Variants in XRRA1 observed in about 807,000 individuals in gnomAD.
XRRA1 encodes X-ray radiation resistance associated 1.
In XRRA1, 69 loss-of-function variants were observed where a neutral mutation model predicts 80.2. The ratio of observed to expected loss-of-function variants is 0.86; its 90% CI spans 0.71 to 1.05. The LOEUF is 1.05. Ranked by LOEUF, XRRA1 falls within the 50% of genes least tolerant of loss-of-function variation. The probability of loss-of-function intolerance (pLI) is 0.00; values close to 1 mark genes in which losing one functional copy is unlikely to be tolerated. For synonymous variants in XRRA1, 348 were observed against 389.9 expected, an observed-to-expected ratio of 0.89 and a Z score of 1.27; for missense variants, 967 against 976.4, an observed-to-expected ratio of 0.99 and a Z score of 0.13.
chr11:74,933,987 GTTCATTCA>G lies in XRRA1; in HGVS notation c.280-123_280-116del, dbSNP rs60527965. Reference sequence around the variant, plus strand: ...TATACTTGTCATAATTTGTTTGCTTGTTCATTCATTCATTCATTCATTCATTCATTATT... The same window carrying G: ...TATACTTGTCATAATTTGTTTGCTTGTTCATTCATTCATTCATTCATTATT... On this transcript the variant is annotated intron_variant, in intron 4 of 18. Transcript: ENST00000684022. The G allele has an allele frequency of 3.7e-4, 245 of 656,168 alleles. 3 individuals are homozygous for G. The South Asian group carries it at 4.1e-3, about 11-fold the overall frequency. 40.6% of individuals were successfully genotyped at this position (656,168 alleles called of 1,614,324 possible). A position where few individuals can be genotyped will look rare whatever the true frequency, so the allele number is the denominator to read the frequency against.
chr11:74,913,173 GC>G (rs1234821809), intron 8 of XRRA1, among the ~76,000 whole-genome samples: 1 of 152,166 alleles, frequency 6.6e-6, no homozygotes, highest in African/African-American at 2.4e-5. Context: ...AAAGTATATA[GC>G]CCATTATAGT....
At position 74,844,146 on chromosome 11, in the gene XRRA1, A is replaced by T. The variant is rs769417499; in HGVS notation, c.2043+22T>A. 5.6e-6 allele frequency: 9 copies of T among 1,607,200 alleles called. No individual in the cohort carries two copies. In the Admixed American group the frequency reaches 1.5e-4, roughly 27 times the overall value. ...GGCGGTACTCAGGGGCCATTTACAC[A>T]TTCAGTGAGCTGGATGTTTACCCGT... is the stretch of plus-strand genomic sequence containing the variant. On this transcript the variant is annotated intron_variant, in intron 17 of 18. Coordinates refer to ENST00000684022, the MANE Select transcript of XRRA1 (RefSeq NM_001378157.1).
chr11:74,856,215 G>A (rs977721067), intron 12 of XRRA1, among the ~76,000 whole-genome samples: 7 of 152,148 alleles, frequency 4.6e-5, no homozygotes, highest in Non-Finnish European at 8.8e-5. Context: ...TCTAGATAAT[G>A]AGCATATAAG....
chr11:74,944,755 A>G (rs1947158376), intron 2 of XRRA1, among the ~76,000 whole-genome samples: 1 of 152,194 alleles, frequency 6.6e-6, no homozygotes, highest in Admixed American at 6.5e-5. Context: ...CACTAAAAAT[A>G]TGTTGGTAAG....
chr11:74,921,483 TC>T, intron 7 of XRRA1, 136 bp from the exon 8 acceptor site: 1 of 1,181,998 alleles, frequency 8.5e-7, no homozygotes, highest in African/African-American at 1.5e-5. Context: ...AGATTAATAT[TC>T]AAGGTCTACT....
At chr11:74,900,667 A>G (rs557380761) in intron 10 of XRRA1, among the ~76,000 whole-genome samples, 1 of 152,366 alleles carries the variant, frequency 6.6e-6, no homozygotes, top group Admixed American at 6.5e-5. Context: ...AAATCAATCA[A>G]TGTGATACAT....
At position 74,861,346 on chromosome 11, in the gene XRRA1, A is replaced by C. The variant is rs1176607370; in HGVS notation, c.1044+1635T>G. Reference sequence around the variant, plus strand: ...ATTTACAGCCACTCCCCGTTGCTCAAATTACTGCCTGAGCTGCACCTCCTG... The same window carrying C: ...ATTTACAGCCACTCCCCGTTGCTCACATTACTGCCTGAGCTGCACCTCCTG... On this transcript the variant is annotated intron_variant, in intron 11 of 18. Coordinates refer to ENST00000684022, the MANE Select transcript of XRRA1 (RefSeq NM_001378157.1). Among the ~76,000 whole-genome samples the C allele has an allele frequency of 7.9e-5, 12 of 152,340 alleles. No individual in the cohort carries two copies. In the East Asian group the frequency reaches 1.9e-3, roughly 24 times the overall value.
chr11:74,926,739 T>G (rs1241322303), intron 7 of XRRA1, among the ~76,000 whole-genome samples: 1 of 152,080 alleles, frequency 6.6e-6, no homozygotes, highest in African/African-American at 2.4e-5. Flanking sequence ...ATGGGAAAAT[T>G]TAGGAGAAAA....
intron 10 of XRRA1, among the ~76,000 whole-genome samples, chr11:74,885,526 C>A (rs1323489033): frequency 1.3e-5 from 2 of 152,050 alleles, no homozygotes; most frequent in Non-Finnish European, 2.9e-5. Context: ...CAGGAAGAAA[C>A]TGAATCCCTG....
chr11:74,897,213 GA>G (rs2052531539), intron 10 of XRRA1, among the ~76,000 whole-genome samples: 1 of 151,940 alleles, frequency 6.6e-6, no homozygotes, highest in Non-Finnish European at 1.5e-5. Flanking sequence ...TTCTAGAGCT[GA>G]AAAATGTAAT....
At chr11:74,889,578 TA>T (rs1224946605) in intron 10 of XRRA1, among the ~76,000 whole-genome samples, 1 of 152,208 alleles carries the variant, frequency 6.6e-6, no homozygotes, top group Non-Finnish European at 1.5e-5. Flanking sequence ...GTCAATGGGC[TA>T]AATGCTCCAA....
At chr11:74,930,023 G>A (rs985537651) in intron 6 of XRRA1, among the ~76,000 whole-genome samples, 4 of 152,172 alleles carry the variant, frequency 2.6e-5, no homozygotes, top group African/African-American at 7.2e-5. Context: ...CATCTCATAT[G>A]AGCCTGCAAG....
chr11:74,906,691 G>A (rs2054675697), intron 9 of XRRA1: 1 of 566,118 alleles, frequency 1.8e-6, no homozygotes, highest in Non-Finnish European at 3.1e-6. Context: ...ATATGTAAAT[G>A]GCCTGGCACA....
At chr11:74,862,828 T>C (rs1331196183) in intron 11 of XRRA1, among the ~76,000 whole-genome samples, 153 bp downstream of exon 11, 1 of 152,262 alleles carries the variant, frequency 6.6e-6, no homozygotes, top group Non-Finnish European at 1.5e-5. Flanking sequence ...ACCTGGTACA[T>C]GATAGGTACT....
At chr11:74,891,377 T>A (rs2050653184) in intron 10 of XRRA1, among the ~76,000 whole-genome samples, 1 of 152,142 alleles carries the variant, frequency 6.6e-6, no homozygotes, top group Admixed American at 6.5e-5. Flanking sequence ...AAACTCTCAA[T>A]AAATTAGGTA....
At chr11:74,868,202 A>C (rs894381865) in intron 10 of XRRA1, among the ~76,000 whole-genome samples, 1 of 152,188 alleles carries the variant, frequency 6.6e-6, no homozygotes, top group African/African-American at 2.4e-5. Context: ...TACAGGTATG[A>C]GCCACTGCGC....
At chr11:74,915,518 C>T (rs1938352062) in intron 8 of XRRA1, among the ~76,000 whole-genome samples, 2 of 152,274 alleles carry the variant, frequency 1.3e-5, no homozygotes, top group African/African-American at 4.8e-5. Context: ...CTCAACCTGC[C>T]AATGGCAGAG....
intron 10 of XRRA1, among the ~76,000 whole-genome samples, chr11:74,885,100 C>G (rs190612372): frequency 1.4e-4 from 22 of 151,924 alleles, no homozygotes; most frequent in African/African-American, 5.3e-4. Flanking sequence ...CTTGTCTCTA[C>G]AAAATATCAA....
At position 74,842,853 on chromosome 11, in the gene XRRA1, CAG is replaced by C. The variant is rs1436160022; in HGVS notation, c.*345_*346del. The C allele has an allele frequency of 1.1e-5, 3 of 270,912 alleles. No individual in the cohort carries two copies. Among genetic ancestry groups the C allele is most frequent in the African/African-American group, 6.5e-5 (3 of 45,916 alleles). The allele number at this position is 270,912 out of a possible 1,614,324, so 16.8% of individuals were successfully genotyped here. ...CCCTTGGTGTCAGTTTCTCATACAACAGAGAACAAATGTATCCCTGTTGCATC... is the reference window on the plus strand; with the variant it reads ...CCCTTGGTGTCAGTTTCTCATACAACAGAACAAATGTATCCCTGTTGCATC... On this transcript the variant is annotated 3_prime_UTR_variant, in exon 19 of 19. Transcript: ENST00000684022.
Sources: allele counts gnomAD v4.1 joint callset (sites outside exome capture counted in the v4.1 genomes callset), GRCh38; gene constraint gnomAD v4.1.1; transcripts MANE v1.5; gene names NCBI Gene and HGNC (gene_info 2026-07-23, HGNC 2026-07-21).